The following PTPRT variants were observed in gnomAD, a reference collection of about 807,000 sequenced individuals.
The protein encoded by PTPRT is receptor-type tyrosine-protein phosphatase T.
Under a neutral mutation model 176.8 loss-of-function variants are expected in PTPRT, and 56 were observed. That is an observed-to-expected ratio of 0.32 (90% CI 0.26 to 0.40). PTPRT has a LOEUF of 0.40. PTPRT is among the 10% of genes least tolerant of loss of function. PTPRT has a pLI of 1.00. For missense variants in PTPRT, 1,540 were observed against 1,908.2 expected (o/e 0.81, Z 3.60); for synonymous variants, 783 against 739.0 (o/e 1.06, Z -0.96).
chr20:43,038,155 G>A (rs1249701414), intron 1 of PTPRT, among the ~76,000 whole-genome samples: 1 of 150,906 alleles, frequency 6.6e-6, no homozygotes, highest in Non-Finnish European at 1.5e-5. Context: ...CTCCACTGGG[G>A]TTGTTACATA....
At chr20:42,934,609 G>C (rs559057460) in intron 1 of PTPRT, among the ~76,000 whole-genome samples, 42 of 152,242 alleles carry the variant, frequency 2.8e-4, no homozygotes, top group African/African-American at 9.9e-4. Context: ...AGTTTCTCAG[G>C]GGTTGTTGGA....
At chr20:42,945,851 C>G (rs1336137144) in intron 1 of PTPRT, among the ~76,000 whole-genome samples, 1 of 152,028 alleles carries the variant, frequency 6.6e-6, no homozygotes, top group Non-Finnish European at 1.5e-5. Context: ...CAGAGAAGAC[C>G]CCCGACCCAT....
intron 6 of PTPRT, among the ~76,000 whole-genome samples, chr20:42,746,639 T>C (rs142977060): frequency 6.6e-6 from 1 of 151,750 alleles, no homozygotes; most frequent in Non-Finnish European, 1.5e-5. Flanking sequence ...AAAAAAATGA[T>C]GCAAGTATTA....
the PTPRT span, among the ~76,000 whole-genome samples, chr20:42,044,460 A>C: frequency 4.1e-4 from 63 of 152,368 alleles, no homozygotes; most frequent in East Asian, 8.1e-3. Context: ...GGCATTGGGC[A>C]TAGAGCCTGG....
At chr20:42,269,934 C>A (rs114371616) in intron 13 of PTPRT, among the ~76,000 whole-genome samples, 80 of 152,302 alleles carry the variant, frequency 5.3e-4, no homozygotes, top group African/African-American at 1.8e-3. Context: ...TAGATCACAG[C>A]TCAGCTGTCG....
intron 9 of PTPRT, among the ~76,000 whole-genome samples, chr20:42,444,516 T>G (rs1176949708): frequency 6.6e-6 from 1 of 152,174 alleles, no homozygotes; most frequent in Non-Finnish European, 1.5e-5. Flanking sequence ...CTTGGACTTG[T>G]GCAGAAGGAA....
At chr20:42,363,757 G>A (rs1432408605) in intron 9 of PTPRT, among the ~76,000 whole-genome samples, 4 of 152,110 alleles carry the variant, frequency 2.6e-5, no homozygotes, top group Non-Finnish European at 5.9e-5. Flanking sequence ...CTTTGCGGAT[G>A]AGAAAACTGA....
At chr20:43,072,007 T>A (rs1482117875) in intron 1 of PTPRT, among the ~76,000 whole-genome samples, 4 of 152,190 alleles carry the variant, frequency 2.6e-5, no homozygotes, top group African/African-American at 9.6e-5. Flanking sequence ...AGACATATGA[T>A]CTAGCTCTCT....
At chr20:42,896,386 C>T (rs1247997384) in intron 1 of PTPRT, among the ~76,000 whole-genome samples, 3 of 152,132 alleles carry the variant, frequency 2.0e-5, no homozygotes, top group Non-Finnish European at 1.5e-5. Context: ...CCTGTAATCC[C>T]AGCACTTTGG....
intron 7 of PTPRT, among the ~76,000 whole-genome samples, chr20:42,662,770 T>A (rs946669613): frequency 6.6e-6 from 1 of 152,148 alleles, no homozygotes; most frequent in African/African-American, 2.4e-5. Flanking sequence ...TTGGTTTGCA[T>A]CTCAGGGCTT....
intron 1 of PTPRT, among the ~76,000 whole-genome samples, chr20:42,999,607 GTTT>G (rs758925660): frequency 2.2e-5 from 3 of 139,384 alleles, no homozygotes; most frequent in African/African-American, 7.5e-5. Flanking sequence ...AAAACTTGTG[GTTT>G]TTTTTTTGTT....
At chr20:42,316,997 G>A (rs1219332509) in intron 11 of PTPRT, among the ~76,000 whole-genome samples, 1 of 152,164 alleles carries the variant, frequency 6.6e-6, no homozygotes, top group Non-Finnish European at 1.5e-5. Flanking sequence ...AGTAGGCATT[G>A]TTGCTTACTT....
rs1195412197 is a variant in PTPRT at position 42,075,522 on chromosome 20, G to A, written c.*5357C>T. The A allele has an allele frequency of 1.9e-5, 4 of 213,030 alleles. No homozygotes were observed. Among genetic ancestry groups the A allele is most frequent in the Non-Finnish European group, 2.8e-5 (3 of 105,408 alleles). 13.2% of individuals were successfully genotyped at this position (213,030 alleles called of 1,614,324 possible). A position where few individuals can be genotyped will look rare whatever the true frequency, so the allele number is the denominator to read the frequency against. ...TGTTTACCCAGCCCAGGAGTGGCAA[G>A]CTGCAGCCTAAGGAAGGGTGGCTTT... is the stretch of plus-strand genomic sequence containing the variant. On this transcript the variant is annotated 3_prime_UTR_variant, in exon 31 of 31. Coordinates refer to ENST00000373187, the MANE Select transcript of PTPRT (RefSeq NM_007050.6).
rs530699223 is a variant in PTPRT at position 42,567,309 on chromosome 20, G to GA, written c.1154-94748dup. On this transcript the variant is annotated intron_variant, in intron 7 of 30. Coordinates refer to ENST00000373187, the MANE Select transcript of PTPRT (RefSeq NM_007050.6). The stretch of plus-strand genomic sequence containing the variant: ...AAAATAAAAGAGAGAGAGAGAGAGA[G>GA]AAAAAAAACGATTTTTAAAATAGCT... 7.1e-3 allele frequency among the ~76,000 whole-genome samples: 1,076 copies of GA among 150,504 alleles called. 8 individuals carry two copies. Among genetic ancestry groups the GA allele is most frequent in the Non-Finnish European group, 0.011 (733 of 67,720 alleles).
chr20:42,550,606 T>C (rs1179637930), intron 7 of PTPRT, among the ~76,000 whole-genome samples: 1 of 152,038 alleles, frequency 6.6e-6, no homozygotes. Flanking sequence ...AGACACAAAT[T>C]CCGACTGGTA....
chr20:42,227,820 G>A (rs2056053098), intron 15 of PTPRT, among the ~76,000 whole-genome samples: 1 of 151,768 alleles, frequency 6.6e-6, no homozygotes. Context: ...TGTTAACCAG[G>A]CTGGTCTCAA....
intron 1 of PTPRT, among the ~76,000 whole-genome samples, chr20:42,977,099 G>T (rs1982999074): frequency 6.6e-6 from 1 of 152,096 alleles, no homozygotes. Context: ...AACAAGCACA[G>T]ACTCATAGGA....
intron 1 of PTPRT, among the ~76,000 whole-genome samples, chr20:43,136,715 C>T (rs1024472481): frequency 4.6e-5 from 7 of 152,222 alleles, no homozygotes; most frequent in Non-Finnish European, 1.0e-4. Flanking sequence ...TTTCTGTTTA[C>T]TCCCTGTGCC....
intron 6 of PTPRT, among the ~76,000 whole-genome samples, chr20:42,726,632 T>G (rs2076385353): frequency 6.6e-6 from 1 of 152,184 alleles, no homozygotes; most frequent in African/African-American, 2.4e-5. Flanking sequence ...AAGCTTCACT[T>G]TACCATTTGC....
Sources: allele counts gnomAD v4.1 joint callset (sites outside exome capture counted in the v4.1 genomes callset), GRCh38; gene constraint gnomAD v4.1.1; transcripts MANE v1.5; gene names NCBI Gene and HGNC (gene_info 2026-07-23, HGNC 2026-07-21).